The following ADAMTS20 variants were observed in gnomAD, a reference collection of about 807,000 sequenced individuals.
ADAMTS20 encodes the protein ADAM metallopeptidase with thrombospondin type 1 motif 20.
A neutral mutation model predicts 260.1 loss-of-function variants in ADAMTS20; 225 were observed. The ratio of observed to expected loss-of-function variants is 0.87; its 90% CI spans 0.78 to 0.97. ADAMTS20 has a LOEUF of 0.97. Ranked by LOEUF, ADAMTS20 falls within the 50% of genes least tolerant of loss-of-function variation. The pLI is 0.00. For missense variants in ADAMTS20, 2,400 were observed against 2,337.7 expected, an observed-to-expected ratio of 1.03 and a Z score of -0.55; for synonymous variants, 802 against 769.5, an observed-to-expected ratio of 1.04 and a Z score of -0.70.
At chr12:43,421,561 A>T (rs1941239167) in intron 28 of ADAMTS20, among the ~76,000 whole-genome samples, 1 of 152,094 alleles carries the variant, frequency 6.6e-6, no homozygotes, top group African/African-American at 2.4e-5. Flanking sequence ...TGTTACACGT[A>T]ATGTCCCTTA....
rs140960591 is a variant in ADAMTS20, at chr12:43,449,067, G to C, written c.2080-2355C>G. On this transcript the variant is annotated intron_variant, in intron 14 of 38. Coordinates refer to ENST00000389420, the MANE Select transcript of ADAMTS20 (RefSeq NM_025003.5). ...TAAATTGGTTCAACCACTGTGGAAAGCAGTGTGGCGATTCCCTAAAGAGCT... is the reference window on the plus strand; with the variant it reads ...TAAATTGGTTCAACCACTGTGGAAACCAGTGTGGCGATTCCCTAAAGAGCT... Among the ~76,000 whole-genome samples, 199 of 152,236 alleles carry C rather than the reference G, an allele frequency of 1.3e-3. 1 individual carries two copies. Among genetic ancestry groups the C allele is most frequent in the East Asian group, 0.012 (61 of 5,170 alleles).
chr12:43,469,809 T>C (rs1309380988), intron 7 of ADAMTS20, among the ~76,000 whole-genome samples: 1 of 152,152 alleles, frequency 6.6e-6, no homozygotes, highest in Non-Finnish European at 1.5e-5. Context: ...TCCTAACAAC[T>C]AGAATGTTTT....
chr12:43,366,159 A>G (rs1351120188), intron 37 of ADAMTS20, among the ~76,000 whole-genome samples: 4 of 151,934 alleles, frequency 2.6e-5, no homozygotes, highest in African/African-American at 9.7e-5. Context: ...GAAAATATAT[A>G]TAGCAATTCT....
chr12:43,468,602 G>A lies in ADAMTS20; in HGVS notation c.1221C>T (p.His407=), dbSNP rs1221016973. 1.3e-6 allele frequency: 2 copies of A among 1,587,534 alleles called. No individual in the cohort carries two copies. The highest frequency in any genetic ancestry group is 2.7e-5 in the African/African-American group (2 of 73,990). ...SAFTIAHELG[H]TLGVQHDDNP... is the part of the protein sequence containing the mutation. The stretch of plus-strand genomic sequence containing the variant: ...AGGAGGTGACAGAAGGTACTTACGT[G>A]TGCCCAAGCTCATGGGCTATAGTAA... Residue 407 remains histidine (H), a splice_region_variant and synonymous_variant, in exon 8 of 39, where the codon CAC becomes CAT. Transcript: ENST00000389420.
chr12:43,404,485 G>C (rs1386303598), intron 28 of ADAMTS20, among the ~76,000 whole-genome samples: 4 of 151,812 alleles, frequency 2.6e-5, no homozygotes, highest in African/African-American at 9.7e-5. Context: ...CTGGCTATTT[G>C]AAAAAAATAT....
chr12:43,506,596 C>T (rs1411999174), intron 3 of ADAMTS20, among the ~76,000 whole-genome samples: 2 of 151,888 alleles, frequency 1.3e-5, no homozygotes, highest in Non-Finnish European at 2.9e-5. Context: ...TCTCCTGCCT[C>T]GGCCTCCTGA....
intron 16 of ADAMTS20, 22 bp from the exon 17 acceptor site, chr12:43,440,091 C>T (rs1156358837): frequency 2.4e-5 from 36 of 1,487,744 alleles, no homozygotes; most frequent in Non-Finnish European, 3.2e-5. Context: ...TAAAGCATAA[C>T]TCATGAAATA....
intron 37 of ADAMTS20, among the ~76,000 whole-genome samples, chr12:43,362,282 A>G (rs1939886503): frequency 6.6e-6 from 1 of 152,200 alleles, no homozygotes; most frequent in Non-Finnish European, 1.5e-5. Flanking sequence ...GAACACGTAT[A>G]AAAAGAGACA....
chr12:43,535,872 C>T (rs1332636346), intron 2 of ADAMTS20, among the ~76,000 whole-genome samples: 3 of 151,882 alleles, frequency 2.0e-5, no homozygotes, highest in Non-Finnish European at 4.4e-5. Context: ...AATTGTACAA[C>T]TAAAGAAAGA....
intron 29 of ADAMTS20, among the ~76,000 whole-genome samples, chr12:43,394,984 T>C (rs942898943): frequency 3.3e-5 from 5 of 152,154 alleles, no homozygotes; most frequent in African/African-American, 1.2e-4. Context: ...ACTTTTCTTA[T>C]GGAGATTCAA....
intron 2 of ADAMTS20, among the ~76,000 whole-genome samples, chr12:43,540,182 C>A (rs1943358214): frequency 2.6e-5 from 4 of 152,144 alleles, no homozygotes; most frequent in Admixed American, 2.6e-4. Context: ...CCACAGAATT[C>A]TTTTAAGCTC....
chr12:43,375,964 G>A (rs1308450524), intron 35 of ADAMTS20, 93 bp downstream of exon 35: 3 of 909,344 alleles, frequency 3.3e-6, no homozygotes, highest in Non-Finnish European at 5.0e-6. Context: ...TGTCTCACAT[G>A]TAAGCTATTC....
At chr12:43,447,183 C>CA (rs61472345) in intron 14 of ADAMTS20, among the ~76,000 whole-genome samples, 49,555 of 145,948 alleles carry the variant, frequency 0.34, 8,624 homozygotes, top group East Asian at 0.75. Flanking sequence ...AGAGACACGA[C>CA]AAAAAAAAAA....
intron 16 of ADAMTS20, 74 bp downstream of exon 16, chr12:43,443,717 T>C: frequency 8.2e-7 from 1 of 1,223,322 alleles, no homozygotes; most frequent in Non-Finnish European, 1.2e-6. Flanking sequence ...TTTCCAAGAA[T>C]TCACATCAAC....
chr12:43,522,778 T>C (rs571645796), intron 3 of ADAMTS20, among the ~76,000 whole-genome samples: 61 of 152,336 alleles, frequency 4.0e-4, no homozygotes, highest in African/African-American at 1.4e-3. Context: ...TGCTTTACCA[T>C]TTCCACAGGA....
chr12:43,399,054 T>C lies in ADAMTS20; in HGVS notation c.4452+12A>G. 1.5e-6 allele frequency: 2 copies of C among 1,372,342 alleles called. No individual in the cohort carries two copies. Among genetic ancestry groups the C allele is most frequent in the East Asian group, 2.8e-5 (1 of 35,616 alleles). 85.0% of individuals were successfully genotyped at this position (1,372,342 alleles called of 1,614,324 possible). A position where few individuals can be genotyped will look rare whatever the true frequency, so the allele number is the denominator to read the frequency against. ...AAAATACATATATAATTATAAAATA[T>C]ACATCATATACCTCATTCCAGCTAT... On this transcript the variant is annotated intron_variant, in intron 29 of 38. Coordinates refer to ENST00000389420, the MANE Select transcript of ADAMTS20 (RefSeq NM_025003.5).
chr12:43,508,382 G>T (rs1350610342), intron 3 of ADAMTS20, among the ~76,000 whole-genome samples: 1 of 152,046 alleles, frequency 6.6e-6, no homozygotes, highest in African/African-American at 2.4e-5. Flanking sequence ...AACTCACACA[G>T]TTGCTAAGTA....
intron 35 of ADAMTS20, 103 bp from the exon 36 acceptor site, chr12:43,375,615 A>T (rs1940209377): frequency 7.8e-7 from 1 of 1,277,238 alleles, no homozygotes; most frequent in African/African-American, 1.5e-5. Flanking sequence ...GCTCTTTAAT[A>T]TTATAGTGTC....
chr12:43,466,684 G>C lies in ADAMTS20; in HGVS notation c.1335C>G (p.Asn445Lys). Residue 445 changes from asparagine to lysine, a missense_variant, in exon 9 of 39, where the codon AAC (asparagine) becomes AAG (lysine). Asn to Lys is a moderately conservative substitution (Grantham distance 94, BLOSUM62 0). Coordinates refer to ENST00000389420, the MANE Select transcript of ADAMTS20 (RefSeq NM_025003.5). ...ATTCAGTAACATATTTCCGACTACA[G>C]TTTGACCAGCTCCAAGGACTCATGT... ...SFHMSPWSWSNCSRKYVTEFL... is the reference protein window; with the variant it reads ...SFHMSPWSWSKCSRKYVTEFL... The C allele has an allele frequency of 6.2e-7, 1 of 1,610,430 alleles. No individual in the cohort carries two copies. The highest frequency in any genetic ancestry group is 8.5e-7 in the Non-Finnish European group (1 of 1,178,208).
Sources: gnomAD v4.1 joint callset for allele counts (sites outside exome capture counted in the v4.1 genomes callset) on GRCh38, gnomAD v4.1.1 for gene constraint, MANE v1.5 for transcripts, NCBI Gene and HGNC (gene_info 2026-07-23, HGNC 2026-07-21) for gene names.